Variants in BMP1 observed in about 807,000 individuals in gnomAD.
BMP1 encodes the protein bone morphogenetic protein 1.
Under a neutral mutation model 116.8 loss-of-function variants are expected in BMP1, and 63 were observed. The observed-to-expected ratio is 0.54, with a 90% confidence interval of 0.44 to 0.67. The LOEUF (loss-of-function observed/expected upper bound fraction) is 0.67, where lower values mean the gene tolerates loss of function less well. BMP1 is among the 30% of genes least tolerant of loss of function. BMP1 has a pLI of 0.00. For synonymous variants in BMP1, 536 were observed against 533.4 expected (o/e 1.00, Z -0.07); for missense variants, 1,183 against 1,358.9 (o/e 0.87, Z 2.04).
chr8:22,176,648 C>G lies in BMP1; in HGVS notation c.549C>G (p.Cys183Trp). The G allele has an allele frequency of 6.2e-7, 1 of 1,614,008 alleles. No homozygotes were observed. The highest frequency in any genetic ancestry group is 8.5e-7 in the Non-Finnish European group (1 of 1,179,894). ...DSYIVFTYRP[C>W]GCCSYVGRRG... is the part of the protein sequence containing the mutation. ...ATATTGTGTTCACCTATCGACCTTG[C>G]GGGTGAGCAGGAAGCCCTAGGCGCT... Residue 183 changes from cysteine (C) to tryptophan (W), a missense_variant and splice_region_variant, in exon 4 of 20, where the codon TGC becomes TGG. Physicochemically the swap from Cys to Trp is radical, Grantham distance 215. Coordinates refer to ENST00000306385, the MANE Select transcript of BMP1 (RefSeq NM_006129.5).
intron 3 of BMP1, 73 bp downstream of exon 3, chr8:22,176,386 C>T: frequency 1.9e-6 from 3 of 1,561,144 alleles, no homozygotes; most frequent in South Asian, 1.2e-5. Flanking sequence ...CTGCCAGGCA[C>T]GGAGGCGTGG....
intron 17 of BMP1, 47 bp from the exon 18 acceptor site, chr8:22,207,256 G>GC (rs781477336): frequency 1.3e-6 from 2 of 1,583,786 alleles, no homozygotes; most frequent in Admixed American, 3.4e-5. Flanking sequence ...TGCCCCACCT[G>GC]CCTTCCAGCC....
In BMP1 at chr8:22,197,940, T is replaced by G. The variant is rs370347848; in HGVS notation, c.2107+520T>G. 6.4e-4 allele frequency among the ~76,000 whole-genome samples: 98 copies of G among 152,192 alleles called. 1 individual carries two copies. Among genetic ancestry groups the G allele is most frequent in the African/African-American group, 2.3e-3 (95 of 41,522 alleles). On this transcript the variant is annotated intron_variant, in intron 15 of 19. Transcript: ENST00000306385. ...TGGCTCACGCCTGTAATCCCAGCAC[T>G]CAGGAAGGCCGAGGCAGGAGGATCA...
At chr8:22,166,410 G>A (rs963958096) in intron 1 of BMP1, among the ~76,000 whole-genome samples, 1 of 152,020 alleles carries the variant, frequency 6.6e-6, no homozygotes, top group African/African-American at 2.4e-5. Flanking sequence ...AAGACTCTAT[G>A]TAACCCCATC....
intron 19 of BMP1, among the ~76,000 whole-genome samples, chr8:22,211,221 C>T (rs530257249): frequency 1.3e-5 from 2 of 152,238 alleles, no homozygotes; most frequent in Non-Finnish European, 2.9e-5. Flanking sequence ...TTGCAAAATA[C>T]TTTGACATCG....
chr8:22,211,554 C>CCCTGTT lies in BMP1; in HGVS notation c.2827-37_2827-36insGTTCCT, dbSNP rs1829462237. ...GGGGAGGCAGGACAGCAGCCCCAGC[C>CCCTGTT]CCTCTTCCTCCACCTTACCCCATCT... On this transcript the variant is annotated intron_variant, in intron 19 of 19. Transcript: ENST00000306385. 3 of 1,613,142 alleles carry CCCTGTT rather than the reference C, an allele frequency of 1.9e-6. No individual in the cohort carries two copies. In the East Asian group the frequency reaches 6.7e-5, roughly 36 times the overall value.
intron 8 of BMP1, among the ~76,000 whole-genome samples, chr8:22,188,706 A>T (rs1220217502): frequency 1.3e-5 from 2 of 152,120 alleles, no homozygotes; most frequent in East Asian, 3.9e-4. Flanking sequence ...TGGCCAATGC[A>T]GGTTTCTTCC....
chr8:22,193,565 C>G (rs1828994124), intron 9 of BMP1, among the ~76,000 whole-genome samples: 1 of 152,200 alleles, frequency 6.6e-6, no homozygotes, highest in Non-Finnish European at 1.5e-5. Context: ...GGGTGGATCA[C>G]CTGAGGTCAG....
At position 22,211,814 on chromosome 8, in the gene BMP1, C is replaced by T; in HGVS notation, c.*86C>T. The T allele has an allele frequency of 6.3e-7, 1 of 1,591,382 alleles. No homozygotes were observed. The highest frequency in any genetic ancestry group is 8.6e-7 in the Non-Finnish European group (1 of 1,167,078). On this transcript the variant is annotated 3_prime_UTR_variant, in exon 20 of 20. Coordinates refer to ENST00000306385, the MANE Select transcript of BMP1 (RefSeq NM_006129.5). ...GTGGGGGTGGGCGGAAGGCAACGCA[C>T]CATCCCTCTCCCCCAGGCCCCAGGA...
chr8:22,173,525 G>T lies in BMP1; in HGVS notation c.149-77G>T. The T allele has an allele frequency of 2.7e-6, 3 of 1,096,534 alleles. 1 individual carries two copies. The South Asian group carries it at 4.8e-5, about 18-fold the overall frequency. The allele number at this position is 1,096,534 out of a possible 1,614,324, so 67.9% of individuals were successfully genotyped here. ...GAGGTTGGGGGCTGGTGCCCACAGG[G>T]TTGGGGCTAGAAGCACGGTGCACCT... On this transcript the variant is annotated intron_variant, in intron 1 of 19. Transcript: ENST00000306385.
intron 2 of BMP1, among the ~76,000 whole-genome samples, chr8:22,174,247 C>T (rs985511922): frequency 6.6e-6 from 1 of 152,180 alleles, no homozygotes; most frequent in Admixed American, 6.5e-5. Context: ...TCCCAGTTGC[C>T]CCCGAAACAT....
chr8:22,190,120 TCACCATGTTGG>T (rs1352673531), intron 8 of BMP1, among the ~76,000 whole-genome samples: 1 of 152,136 alleles, frequency 6.6e-6, no homozygotes, highest in East Asian at 1.9e-4. Flanking sequence ...AGATGAGGTT[TCACCATGTTGG>T]CCAGGCTGGT....
At position 22,196,671 on chromosome 8, in the gene BMP1, TC is replaced by T; in HGVS notation, c.1766-5del. On this transcript the variant is annotated splice_polypyrimidine_tract_variant and splice_region_variant and intron_variant, in intron 13 of 19. Coordinates refer to ENST00000306385, the MANE Select transcript of BMP1 (RefSeq NM_006129.5). ...CCCGCAGACGATGCCACCTTCCTTG[TC>T]CCCGCAGCTGCTTGTGGCGGATTCC... 1 of 1,613,822 alleles carries T rather than the reference TC, an allele frequency of 6.2e-7. No individual in the cohort carries two copies. The highest frequency in any genetic ancestry group is 8.5e-7 in the Non-Finnish European group (1 of 1,179,954).
Position 22,209,495 on chromosome 8 carries a change from C to T in BMP1, c.2626C>T (p.His876Tyr). 1.2e-6 allele frequency: 2 copies of T among 1,614,262 alleles called. No individual in the cohort carries two copies. Among genetic ancestry groups the T allele is most frequent in the Non-Finnish European group, 8.5e-7 (1 of 1,180,034 alleles). Residue 876 changes from histidine (H) to tyrosine (Y), a missense_variant, in exon 19 of 20, where the codon CAC (histidine) becomes TAC (tyrosine). Physicochemically the swap from His to Tyr is moderately conservative, Grantham distance 83. This residue lies in a region of BMP1 where 956 missense variants were observed against 1,135.2 expected (regional missense o/e 0.84). Transcript: ENST00000306385. The stretch of plus-strand genomic sequence containing the variant: ...CGTGAAGACCAAGGACCTTTACTCC[C>T]ACGCCCAGTTTGGCGACAACAACTA... ...ADVKTKDLYS[H>Y]AQFGDNNYPG...
intron 8 of BMP1, among the ~76,000 whole-genome samples, chr8:22,187,077 G>A (rs1828792898): frequency 6.7e-6 from 1 of 149,454 alleles, no homozygotes; most frequent in South Asian, 2.1e-4. Flanking sequence ...TGCAACCTCT[G>A]CATCTCGGGT....
At chr8:22,174,218 A>C (rs1041071515) in intron 2 of BMP1, among the ~76,000 whole-genome samples, 7 of 152,014 alleles carry the variant, frequency 4.6e-5, no homozygotes, top group African/African-American at 1.7e-4. Flanking sequence ...CCATTTCAGG[A>C]GCTTCTCCTA....
chr8:22,189,093 TAAC>T (rs1387866986), intron 8 of BMP1, among the ~76,000 whole-genome samples: 7 of 152,174 alleles, frequency 4.6e-5, no homozygotes, highest in African/African-American at 1.7e-4. Flanking sequence ...ATGCATAAAA[TAAC>T]AAGTGAAATT....
chr8:22,207,004 C>A, intron 17 of BMP1, 23 bp downstream of exon 17: 1 of 1,613,232 alleles, frequency 6.2e-7, no homozygotes, highest in East Asian at 2.2e-5. Flanking sequence ...CTCCCCACTC[C>A]TTATGCGGTG....
chr8:22,208,804 C>T (rs1317839308), intron 18 of BMP1, among the ~76,000 whole-genome samples: 2 of 152,186 alleles, frequency 1.3e-5, no homozygotes, highest in East Asian at 3.9e-4. Context: ...TCCCCTCTTC[C>T]CCTTCAACTC....
Sources: allele counts gnomAD v4.1 joint callset (sites outside exome capture counted in the v4.1 genomes callset), GRCh38; gene constraint gnomAD v4.1.1; regional missense constraint gnomAD v4.1.1; transcripts MANE v1.5; gene names NCBI Gene and HGNC (gene_info 2026-07-23, HGNC 2026-07-21).